BBS12: variants seen among roughly 807,000 people sequenced by gnomAD.
The protein encoded by BBS12 is chaperonin-containing T-complex member BBS12.
A neutral mutation model predicts 5.6 loss-of-function variants in BBS12; 5 were observed. The ratio of observed to expected loss-of-function variants is 0.89; its 90% CI spans 0.46 to 1.86. The LOEUF is 1.86. BBS12 is among the 40% of genes most tolerant of loss of function. BBS12 has a pLI of 0.01. For synonymous variants in BBS12, 308 were observed against 306.8 expected, an observed-to-expected ratio of 1.00 and a Z score of -0.04; for missense variants, 748 against 830.4, an observed-to-expected ratio of 0.90 and a Z score of 1.22.
the BBS12 span, among the ~76,000 whole-genome samples, chr4:122,706,141 G>A: frequency 6.6e-6 from 1 of 152,088 alleles, no homozygotes; most frequent in East Asian, 1.9e-4. Context: ...CCCACACAAC[G>A]TTTGTCTTCA....
At chr4:122,732,429 G>A (rs1048376813), upstream of BBS12, 3 of 152,398 alleles carry the variant, frequency 2.0e-5, no homozygotes, top group Non-Finnish European at 4.4e-5. Flanking sequence ...CAGGTCCCCA[G>A]CCGGCAGCCG....
the BBS12 span, among the ~76,000 whole-genome samples, chr4:122,708,937 T>C: frequency 6.6e-6 from 1 of 152,246 alleles, no homozygotes; most frequent in Non-Finnish European, 1.5e-5. Flanking sequence ...TAACGAACAA[T>C]GATAAAGCAT....
chr4:122,739,096 G>A lies in BBS12; in HGVS notation c.-10-2787G>A, dbSNP rs368294395. Among the ~76,000 whole-genome samples, 6 of 152,338 alleles carry A rather than the reference G, an allele frequency of 3.9e-5. No individual in the cohort carries two copies. In the East Asian group the frequency reaches 5.8e-4, roughly 15 times the overall value. ...AGTCAGAAGCCAAGGACCACTAGGA[G>A]CAACTAGAAGCTGGAGGAAGCAAGG... On this transcript the variant is annotated intron_variant, in intron 1 of 1. Transcript: ENST00000314218.
upstream of BBS12, among the ~76,000 whole-genome samples, chr4:122,728,296 A>G (rs1016674014): frequency 1.3e-5 from 2 of 152,190 alleles, no homozygotes; most frequent in Non-Finnish European, 2.9e-5. Context: ...AATGAATTAT[A>G]TGGCCATTCC....
upstream of BBS12, among the ~76,000 whole-genome samples, chr4:122,727,939 G>GA (rs935458167): frequency 4.6e-5 from 7 of 152,018 alleles, no homozygotes; most frequent in Non-Finnish European, 7.4e-5. Context: ...CTAAACATGT[G>GA]AAAAAACACT....
In BBS12 at chr4:122,743,232, A is replaced by T. The variant is rs751436264; in HGVS notation, c.1340A>T (p.Glu447Val). 1.9e-6 allele frequency: 3 copies of T among 1,614,122 alleles called. No homozygotes were observed. Among genetic ancestry groups the T allele is most frequent in the Non-Finnish European group, 1.7e-6 (2 of 1,180,056 alleles). The change falls in exon 2 of 2, where the codon GAG (glutamate) becomes GTG (valine). Residue 447 changes from glutamate (E) to valine (V), a missense_variant. Transcript: ENST00000314218. ...VNGSVMQAFA[E>V]AAGAVQVAYI... ...GGCAGTGTGATGCAGGCTTTTGCAG[A>T]GGCTGCAGGAGCAGTACAGGTGGCC...
At chr4:122,708,784 C>T in the BBS12 span, among the ~76,000 whole-genome samples, 123 of 151,852 alleles carry the variant, frequency 8.1e-4, no homozygotes, top group African/African-American at 2.4e-3. Context: ...CATTGTGCCC[C>T]GTACATGTAT....
At chr4:122,733,376 AACACACACAC>A (rs3034555) in intron 1 of BBS12, among the ~76,000 whole-genome samples, 2,520 of 88,172 alleles carry the variant, frequency 0.029, 91 homozygotes, top group Non-Finnish European at 0.037. Flanking sequence ...CTCCAACCCC[AACACACACAC>A]ACACACACAC....
chr4:122,707,175 C>T, the BBS12 span, among the ~76,000 whole-genome samples: 1 of 145,898 alleles, frequency 6.9e-6, no homozygotes, highest in East Asian at 2.2e-4. Context: ...GTTTTAAAAA[C>T]CAAAGTATTC....
At chr4:122,729,148 T>C, upstream of BBS12, 1 of 152,742 alleles carries the variant, frequency 6.5e-6, no homozygotes, top group Non-Finnish European at 1.5e-5. Flanking sequence ...CCCCATCCCC[T>C]CCCCCACAGG....
chr4:122,721,079 C>T, the BBS12 span, among the ~76,000 whole-genome samples: 1 of 152,072 alleles, frequency 6.6e-6, no homozygotes, highest in Non-Finnish European at 1.5e-5. Flanking sequence ...TACCTTGCCA[C>T]TTAGAAGTCT....
At chr4:122,715,962 T>A in the BBS12 span, among the ~76,000 whole-genome samples, 1 of 152,216 alleles carries the variant, frequency 6.6e-6, no homozygotes. Flanking sequence ...AGTGTTTCAA[T>A]GTCAAATAAA....
At chr4:122,735,142 A>G (rs1800766905) in intron 1 of BBS12, among the ~76,000 whole-genome samples, 1 of 152,226 alleles carries the variant, frequency 6.6e-6, no homozygotes, top group Non-Finnish European at 1.5e-5. Flanking sequence ...CGTTGGGAGC[A>G]CAGAAAGGAG....
the BBS12 span, among the ~76,000 whole-genome samples, chr4:122,711,272 G>C: frequency 6.6e-6 from 1 of 152,046 alleles, no homozygotes; most frequent in East Asian, 1.9e-4. Context: ...ATGCTAACCT[G>C]GAGGAGAGAG....
chr4:122,713,248 ATGTGT>A, the BBS12 span, among the ~76,000 whole-genome samples: 1 of 152,154 alleles, frequency 6.6e-6, no homozygotes, highest in Non-Finnish European at 1.5e-5. Context: ...GTGGCCAATG[ATGTGT>A]TCTGTCATGT....
In BBS12 at chr4:122,743,170, T is replaced by C. The variant is rs1800916259; in HGVS notation, c.1278T>C (p.Cys426=). The C allele has an allele frequency of 6.2e-7, 1 of 1,614,232 alleles. No homozygotes were observed. The highest frequency in any genetic ancestry group is 1.3e-5 in the African/African-American group (1 of 75,060). The part of the protein sequence containing the change: ...GNVSERLIEK[C]INSKRLVIGS... ...TGTCCGAACGCTTAATTGAAAAATG[T>C]ATAAACAGTAAGCGGTTGGTAATCG... Residue 426 remains cysteine, a synonymous_variant, in exon 2 of 2, where the codon TGT becomes TGC. Coordinates refer to ENST00000314218, the MANE Select transcript of BBS12 (RefSeq NM_152618.3).
Position 122,732,843 on chromosome 4 carries a change from C to A in BBS12, c.-52C>A, listed in dbSNP as rs1800720206. On this transcript the variant is annotated 5_prime_UTR_variant, in exon 1 of 2. Coordinates refer to ENST00000314218, the MANE Select transcript of BBS12 (RefSeq NM_152618.3). ...AGAATCGCGTCTGGCCGGTGGGAAGCCGGGAACTCCAGCCCCCTGTAGGAG... is the reference window on the plus strand; with the variant it reads ...AGAATCGCGTCTGGCCGGTGGGAAGACGGGAACTCCAGCCCCCTGTAGGAG... 6.6e-6 allele frequency: 1 copy of A among 152,356 alleles called. No homozygotes were observed. The highest frequency in any genetic ancestry group is 6.5e-5 in the Admixed American group (1 of 15,276). 9.4% of individuals were successfully genotyped at this position (152,356 alleles called of 1,614,324 possible). A position where few individuals can be genotyped will look rare whatever the true frequency, so the allele number is the denominator to read the frequency against.
chr4:122,720,008 A>T, the BBS12 span, among the ~76,000 whole-genome samples: 11 of 152,228 alleles, frequency 7.2e-5, no homozygotes, highest in Admixed American at 5.9e-4. Flanking sequence ...GGAGGAAAGT[A>T]ACAGTATTTA....
At chr4:122,733,937 T>C (rs1311929583) in intron 1 of BBS12, 1 of 149,008 alleles carries the variant, frequency 6.7e-6, no homozygotes, top group Non-Finnish European at 1.5e-5. Context: ...AGTGCATTCT[T>C]GAAGCACTCT....
Sources: gnomAD v4.1 joint callset for allele counts (sites outside exome capture counted in the v4.1 genomes callset) on GRCh38, gnomAD v4.1.1 for gene constraint, MANE v1.5 for transcripts, NCBI Gene and HGNC (gene_info 2026-07-23, HGNC 2026-07-21) for gene names.